Variants in ELL observed in about 807,000 individuals in gnomAD.
The protein encoded by ELL is elongation factor for RNA polymerase II.
ELL carries 18 observed loss-of-function variants against 64.0 expected under a neutral mutation model. The ratio of observed to expected loss-of-function variants is 0.28; its 90% confidence interval spans 0.19 to 0.42. The LOEUF (loss-of-function observed/expected upper bound fraction) is 0.42, where lower values mean the gene tolerates loss of function less well. Ranked by LOEUF, ELL falls within the 10% of genes least tolerant of loss-of-function variation. The pLI is 1.00. For synonymous variants in ELL, 399 were observed against 376.2 expected (o/e 1.06, Z -0.70); for missense variants, 797 against 870.4 (o/e 0.92, Z 1.06).
At chr19:18,462,591 A>G (rs1168637744) in intron 4 of ELL, among the ~76,000 whole-genome samples, 1 of 152,002 alleles carries the variant, frequency 6.6e-6, no homozygotes, top group Non-Finnish European at 1.5e-5. Flanking sequence ...TATGCTGCCC[A>G]GACTGGTCTC....
chr19:18,479,067 G>A (rs965428786), intron 1 of ELL, among the ~76,000 whole-genome samples: 3 of 152,228 alleles, frequency 2.0e-5, no homozygotes, highest in African/African-American at 7.2e-5. Context: ...AGTGGCTTAC[G>A]AAATCCACCT....
chr19:18,512,569 G>A (rs1266423336), intron 1 of ELL, among the ~76,000 whole-genome samples: 1 of 152,202 alleles, frequency 6.6e-6, no homozygotes, highest in Non-Finnish European at 1.5e-5. Context: ...AGCCTGGGAG[G>A]CAGAGGTTGC....
chr19:18,446,600 G>C (rs1266938907), intron 9 of ELL, 120 bp from the exon 10 acceptor site: 28 of 1,493,426 alleles, frequency 1.9e-5, no homozygotes, highest in Non-Finnish European at 2.5e-5. Context: ...GATTATGAGG[G>C]GGCCTGGCCC....
chr19:18,521,542 G>A (rs1366861712), intron 1 of ELL, among the ~76,000 whole-genome samples: 1 of 152,144 alleles, frequency 6.6e-6, no homozygotes, highest in Non-Finnish European at 1.5e-5. Context: ...CTATCACGGT[G>A]CCGGGACCGT....
chr19:18,460,277 C>A (rs1285291658), intron 5 of ELL, among the ~76,000 whole-genome samples: 4 of 152,186 alleles, frequency 2.6e-5, no homozygotes, highest in Non-Finnish European at 4.4e-5. Flanking sequence ...TCCTGCTGAC[C>A]CCCACAGCTG....
rs1975752608 is a variant in ELL, at chr19:18,500,218, TGC to T, written c.135+21701_135+21702del. Among the ~76,000 whole-genome samples, 3 of 145,592 alleles carry T rather than the reference TGC, an allele frequency of 2.1e-5. No individual in the cohort carries two copies. The South Asian group carries it at 6.4e-4, about 31-fold the overall frequency. ...CGGAGGTTGCAGTGAGCTGAGATCGTGCCATTGCACTCCAGCCTGGGTGACAG... is the reference window on the plus strand; with the variant it reads ...CGGAGGTTGCAGTGAGCTGAGATCGTCATTGCACTCCAGCCTGGGTGACAG... On this transcript the variant is annotated intron_variant, in intron 1 of 11. Transcript: ENST00000262809.
At chr19:18,456,772 T>C (rs115636387) in intron 6 of ELL, among the ~76,000 whole-genome samples, 1,654 of 152,172 alleles carry the variant, frequency 0.011, 35 homozygotes, top group African/African-American at 0.038. Context: ...CCAGCTCAGC[T>C]GGGGAGGCTC....
intron 1 of ELL, among the ~76,000 whole-genome samples, chr19:18,520,798 C>T (rs576173624): frequency 1.3e-5 from 2 of 151,148 alleles, no homozygotes; most frequent in South Asian, 4.2e-4. Context: ...TAGACCCACC[C>T]CCACTCCCTT....
At chr19:18,485,872 G>A (rs1466409977) in intron 1 of ELL, among the ~76,000 whole-genome samples, 1 of 152,078 alleles carries the variant, frequency 6.6e-6, no homozygotes, top group East Asian at 1.9e-4. Flanking sequence ...TATAGTCCCA[G>A]CTATTTGGGA....
At chr19:18,507,151 G>A (rs1000289095) in intron 1 of ELL, among the ~76,000 whole-genome samples, 5 of 152,322 alleles carry the variant, frequency 3.3e-5, no homozygotes, top group Non-Finnish European at 7.3e-5. Flanking sequence ...AGGCGTCTGA[G>A]AGCATCCAAC....
chr19:18,466,961 T>C (rs545438933), intron 2 of ELL, among the ~76,000 whole-genome samples: 5 of 152,174 alleles, frequency 3.3e-5, no homozygotes, highest in Non-Finnish European at 7.4e-5. Flanking sequence ...CATACGCCCA[T>C]GGGAGGCTTT....
intron 1 of ELL, among the ~76,000 whole-genome samples, chr19:18,504,045 G>A (rs77919635): frequency 0.08 from 12,122 of 152,326 alleles, 699 homozygotes; most frequent in Non-Finnish European, 0.12. Context: ...GGCATCCAGG[G>A]AGGCCTCGCC....
rs532116624 is a variant in ELL, at chr19:18,478,791, C to T, written c.136-5909G>A. The stretch of plus-strand genomic sequence containing the variant: ...CAACACAGCAGGGCAGTGATGCCTG[C>T]GCCCTGCGGTCACTTGGCCTGGGCG... On this transcript the variant is annotated intron_variant, in intron 1 of 11. Coordinates refer to ENST00000262809, the MANE Select transcript of ELL (RefSeq NM_006532.4). 4.6e-5 allele frequency among the ~76,000 whole-genome samples: 7 copies of T among 152,364 alleles called. No individual in the cohort carries two copies. The South Asian group carries it at 1.0e-3, about 23-fold the overall frequency.
At chr19:18,455,579 C>A (rs1974651908) in intron 6 of ELL, among the ~76,000 whole-genome samples, 1 of 151,554 alleles carries the variant, frequency 6.6e-6, no homozygotes, top group Non-Finnish European at 1.5e-5. Context: ...TGCATGGTGG[C>A]TCACATGTGT....
chr19:18,462,174 T>C (rs935322944), intron 4 of ELL, among the ~76,000 whole-genome samples: 3 of 139,110 alleles, frequency 2.2e-5, no homozygotes, highest in African/African-American at 8.3e-5. Context: ...CTCACTCTGG[T>C]GGGCAGTGTG....
chr19:18,450,752 AG>A lies in ELL; in HGVS notation c.1189del (p.Leu397TrpfsTer34). ...RLEPPRAHDP[L>X]ADVSNDLGHS... ...GCCCAGGTCATTGCTGACATCGGCC[AG>A]GGGGTCGTGGGCCCTCGGGGGCTCC... On this transcript the variant is annotated frameshift_variant, in exon 8 of 12. Transcript: ENST00000262809. LOFTEE classifies it high-confidence loss of function. The A allele has an allele frequency of 6.3e-7, 1 of 1,582,960 alleles. No individual in the cohort carries two copies. The highest frequency in any genetic ancestry group is 1.1e-5 in the South Asian group (1 of 88,268).
chr19:18,497,611 G>C (rs887258289), intron 1 of ELL, among the ~76,000 whole-genome samples: 8 of 152,008 alleles, frequency 5.3e-5, no homozygotes, highest in Admixed American at 5.2e-4. Flanking sequence ...CTTGAGCCCA[G>C]AGTTTCAGAC....
intron 1 of ELL, among the ~76,000 whole-genome samples, chr19:18,509,587 GCGCGCGCACATACACA>G (rs1350572866): frequency 8.9e-5 from 10 of 112,882 alleles, no homozygotes; most frequent in African/African-American, 3.8e-4. Context: ...GCACGTGCGC[GCGCGCGCACATACACA>G]CACACACACA....
At chr19:18,516,618 T>C (rs1271504244) in intron 1 of ELL, among the ~76,000 whole-genome samples, 2 of 152,034 alleles carry the variant, frequency 1.3e-5, no homozygotes, top group African/African-American at 4.8e-5. Context: ...ATGAGTGATC[T>C]GGAGTCTCCC....
Sources: gnomAD v4.1 joint callset for allele counts (sites outside exome capture counted in the v4.1 genomes callset) on GRCh38, gnomAD v4.1.1 for gene constraint, MANE v1.5 for transcripts, NCBI Gene and HGNC (gene_info 2026-07-23, HGNC 2026-07-21) for gene names.